TACR1: variants seen among roughly 807,000 people sequenced by gnomAD.
TACR1 encodes substance-P receptor.
In TACR1, 25 loss-of-function variants were observed where a neutral mutation model predicts 35.8. The ratio of observed to expected loss-of-function variants is 0.70; its 90% confidence interval spans 0.51 to 0.98. TACR1 has a LOEUF of 0.98. TACR1 is among the 50% of genes least tolerant of loss of function. The pLI is 0.00. For synonymous variants in TACR1, 195 were observed against 206.7 expected, an observed-to-expected ratio of 0.94 and a Z score of 0.48; for missense variants, 478 against 522.9, an observed-to-expected ratio of 0.91 and a Z score of 0.84.
intron 2 of TACR1, among the ~76,000 whole-genome samples, chr2:75,081,396 C>G (rs973637533): frequency 1.3e-5 from 2 of 152,198 alleles, no homozygotes; most frequent in African/African-American, 4.8e-5. Context: ...ACCCTCTACC[C>G]TCATTATGCT....
intron 2 of TACR1, among the ~76,000 whole-genome samples, chr2:75,102,738 AAG>A (rs1673563706): frequency 6.6e-6 from 1 of 152,182 alleles, no homozygotes; most frequent in Admixed American, 6.5e-5. Flanking sequence ...AGCCATTGGT[AAG>A]TATATGCCAA....
At chr2:75,139,612 A>G (rs1215121692) in intron 1 of TACR1, among the ~76,000 whole-genome samples, 2 of 152,234 alleles carry the variant, frequency 1.3e-5, no homozygotes, top group Non-Finnish European at 2.9e-5. Context: ...AGAATTAGGA[A>G]CTGTTGTATA....
At chr2:75,147,028 A>G (rs1433454999) in intron 1 of TACR1, among the ~76,000 whole-genome samples, 1 of 152,246 alleles carries the variant, frequency 6.6e-6, no homozygotes, top group African/African-American at 2.4e-5. Context: ...TGCTGGGGGA[A>G]GTCAACTGAT....
At chr2:75,125,337 C>G (rs986290921) in intron 1 of TACR1, among the ~76,000 whole-genome samples, 2 of 152,002 alleles carry the variant, frequency 1.3e-5, no homozygotes, top group Non-Finnish European at 2.9e-5. Context: ...GTGCCTGCCA[C>G]CATGCCTAGC....
intron 2 of TACR1, among the ~76,000 whole-genome samples, chr2:75,061,036 G>A (rs1394449978): frequency 1.3e-5 from 2 of 152,162 alleles, no homozygotes; most frequent in Non-Finnish European, 2.9e-5. Context: ...TTGACTTTGA[G>A]GGCCAGCAGT....
intron 3 of TACR1, 52 bp from the exon 4 acceptor site, chr2:75,051,499 G>A (rs1260541403): frequency 5.6e-6 from 9 of 1,602,936 alleles, no homozygotes; most frequent in East Asian, 2.2e-5. Context: ...CCTCTCTCAC[G>A]GCTGCTTCCT....
intron 1 of TACR1, among the ~76,000 whole-genome samples, chr2:75,173,016 A>C (rs963742662): frequency 6.6e-6 from 1 of 152,102 alleles, no homozygotes; most frequent in African/African-American, 2.4e-5. Context: ...AAATCCTATC[A>C]GCAAATAAGG....
intron 2 of TACR1, among the ~76,000 whole-genome samples, chr2:75,111,940 T>G (rs1468063926): frequency 1.3e-5 from 2 of 151,870 alleles, no homozygotes; most frequent in Non-Finnish European, 2.9e-5. Flanking sequence ...ATGTATAAAT[T>G]TTTAAAAAAA....
At chr2:75,154,562 C>G (rs1189402075) in intron 1 of TACR1, 1 of 150,744 alleles carries the variant, frequency 6.6e-6, no homozygotes, top group African/African-American at 2.5e-5. Flanking sequence ...TCAGCACTAA[C>G]CCAGCACAGG....
intron 1 of TACR1, among the ~76,000 whole-genome samples, chr2:75,193,001 CCT>C (rs1675885790): frequency 6.6e-6 from 1 of 152,064 alleles, no homozygotes; most frequent in African/African-American, 2.4e-5. Context: ...TGCCTCTCTT[CCT>C]CTTTGTCGTT....
intron 1 of TACR1, among the ~76,000 whole-genome samples, chr2:75,160,832 A>T (rs763086081): frequency 8.0e-6 from 1 of 125,466 alleles, no homozygotes; most frequent in Admixed American, 8.4e-5. Flanking sequence ...AAGCAAAATC[A>T]ATATACGTGA....
intron 1 of TACR1, among the ~76,000 whole-genome samples, chr2:75,184,140 C>G (rs529556576): frequency 7.9e-5 from 12 of 152,088 alleles, no homozygotes; most frequent in African/African-American, 2.9e-4. Flanking sequence ...GCTAAAAGGA[C>G]AAAGCACAAG....
intron 1 of TACR1, among the ~76,000 whole-genome samples, chr2:75,159,926 G>A (rs909868510): frequency 2.0e-5 from 3 of 152,160 alleles, no homozygotes; most frequent in Non-Finnish European, 2.9e-5. Flanking sequence ...GGCACATAAA[G>A]AATTGGGAAG....
chr2:75,085,143 G>A (rs1360494127), intron 2 of TACR1, among the ~76,000 whole-genome samples: 1 of 151,954 alleles, frequency 6.6e-6, no homozygotes, highest in Non-Finnish European at 1.5e-5. Flanking sequence ...GTTCTCGTTG[G>A]GAGAAACCAA....
chr2:75,058,971 G>A (rs1672620949), intron 2 of TACR1, among the ~76,000 whole-genome samples: 1 of 152,212 alleles, frequency 6.6e-6, no homozygotes, highest in Non-Finnish European at 1.5e-5. Context: ...GAGACTCTGG[G>A]TGCCTTAAGG....
At chr2:75,053,313 G>A (rs60751147) in intron 3 of TACR1, among the ~76,000 whole-genome samples, 23,883 of 151,992 alleles carry the variant, frequency 0.16, 1,992 homozygotes, top group East Asian at 0.36. Context: ...TTAAGAAGAG[G>A]ACCAAATCAC....
chr2:75,064,057 C>G lies in TACR1; in HGVS notation c.585-10302G>C, dbSNP rs186900512. On this transcript the variant is annotated intron_variant, in intron 2 of 4. Coordinates refer to ENST00000305249, the MANE Select transcript of TACR1 (RefSeq NM_001058.4). ...TTGGTCTGCCTTGGACCTCATGGCC[C>G]CCTTACAGATTCTTTCTTGGGCAGC... 3.2e-3 allele frequency among the ~76,000 whole-genome samples: 483 copies of G among 151,826 alleles called. 2 individuals carry two copies. Among genetic ancestry groups the G allele is most frequent in the African/African-American group, 0.011 (460 of 41,326 alleles).
rs890952138 is a variant in TACR1, at chr2:75,070,622, G to C, written c.585-16867C>G. On this transcript the variant is annotated intron_variant, in intron 2 of 4. Transcript: ENST00000305249. ...TCTTCTAGCCACGCTTTTATTTTCT[G>C]CATTGTTTCTCCTGTGTGTCTCTGG... Among the ~76,000 whole-genome samples the C allele has an allele frequency of 3.3e-5, 5 of 152,190 alleles. No homozygotes were observed. The East Asian group carries it at 7.7e-4, about 23-fold the overall frequency.
At chr2:75,061,174 G>T (rs1055364120) in intron 2 of TACR1, among the ~76,000 whole-genome samples, 3 of 151,862 alleles carry the variant, frequency 2.0e-5, no homozygotes, top group Admixed American at 6.6e-5. Context: ...TGCGGTTGGG[G>T]GCAATTCCAG....
Sources: allele counts gnomAD v4.1 joint callset (sites outside exome capture counted in the v4.1 genomes callset), GRCh38; gene constraint gnomAD v4.1.1; transcripts MANE v1.5; gene names NCBI Gene and HGNC (gene_info 2026-07-23, HGNC 2026-07-21).